LRP1B: variants seen among roughly 807,000 people sequenced by gnomAD.
The protein encoded by LRP1B is low-density lipoprotein receptor-related protein 1B.
Under a neutral mutation model 556.6 loss-of-function variants are expected in LRP1B, and 217 were observed. The observed-to-expected ratio is 0.39, with a 90% CI of 0.35 to 0.44. The LOEUF (loss-of-function observed/expected upper bound fraction) is 0.44. Among genes scored for constraint, LRP1B ranks in the 20% least tolerant of loss-of-function variants. The pLI, the probability that LRP1B is intolerant of heterozygous loss-of-function variation, is 1.00. For missense variants in LRP1B, 5,053 were observed against 5,620.8 expected (o/e 0.90, Z 3.23); for synonymous variants, 2,047 against 1,865.8 (o/e 1.10, Z -2.50).
chr2:140,363,181 TC>T (rs1356438330), intron 72 of LRP1B, among the ~76,000 whole-genome samples: 1 of 151,626 alleles, frequency 6.6e-6, no homozygotes, highest in East Asian at 1.9e-4. Flanking sequence ...CAGAATAAGA[TC>T]TCCTTGTCAA....
chr2:141,981,754 A>G (rs937253915), intron 1 of LRP1B, among the ~76,000 whole-genome samples: 1 of 152,062 alleles, frequency 6.6e-6, no homozygotes, highest in South Asian at 2.1e-4. Context: ...TTTCCTTTGC[A>G]TTTAAGTGTG....
intron 37 of LRP1B, among the ~76,000 whole-genome samples, chr2:140,712,512 C>G (rs941012949): frequency 6.6e-6 from 1 of 151,940 alleles, no homozygotes; most frequent in African/African-American, 2.4e-5. Context: ...TGGAATTTGT[C>G]TCCCCTTTAC....
chr2:141,558,044 G>T (rs1686024662), intron 2 of LRP1B, among the ~76,000 whole-genome samples: 1 of 151,918 alleles, frequency 6.6e-6, no homozygotes, highest in Non-Finnish European at 1.5e-5. Flanking sequence ...TTGCAGGTCT[G>T]CAATGATAAC....
chr2:141,403,821 T>C (rs2104929624), intron 3 of LRP1B, among the ~76,000 whole-genome samples: 1 of 152,262 alleles, frequency 6.6e-6, no homozygotes, highest in Non-Finnish European at 1.5e-5. Flanking sequence ...TTGTATTATC[T>C]CACATGTATG....
At chr2:142,041,327 T>C (rs1230565425) in intron 1 of LRP1B, among the ~76,000 whole-genome samples, 2 of 151,254 alleles carry the variant, frequency 1.3e-5, no homozygotes, top group South Asian at 2.1e-4. Context: ...GCTGACTAGT[T>C]AGTCATGTGG....
intron 3 of LRP1B, among the ~76,000 whole-genome samples, chr2:141,470,710 T>C (rs1260186682): frequency 6.6e-6 from 1 of 152,210 alleles, no homozygotes; most frequent in African/African-American, 2.4e-5. Flanking sequence ...ATCAAGCTGC[T>C]GTGTCAAAAA....
chr2:141,875,273 G>A (rs996475164), intron 1 of LRP1B, among the ~76,000 whole-genome samples: 2 of 151,792 alleles, frequency 1.3e-5, no homozygotes, highest in Non-Finnish European at 2.9e-5. Flanking sequence ...GCCTCCCAGT[G>A]TTGGGATAAT....
intron 2 of LRP1B, among the ~76,000 whole-genome samples, chr2:141,713,930 C>A (rs930643288): frequency 4.6e-5 from 7 of 152,112 alleles, no homozygotes; most frequent in African/African-American, 1.7e-4. Context: ...ATGTTGGCAC[C>A]CAGATCTGCC....
At chr2:141,490,641 A>G (rs1362206735) in intron 2 of LRP1B, among the ~76,000 whole-genome samples, 2 of 152,212 alleles carry the variant, frequency 1.3e-5, no homozygotes, top group African/African-American at 2.4e-5. Context: ...TTGCTTTCTG[A>G]CCTTTCATTA....
intron 35 of LRP1B, among the ~76,000 whole-genome samples, chr2:140,751,764 C>G (rs1455189972): frequency 6.6e-6 from 1 of 152,108 alleles, no homozygotes; most frequent in African/African-American, 2.4e-5. Context: ...AAGACATTCT[C>G]TAGTTGGAGA....
chr2:141,817,224 A>G (rs1696590072), intron 1 of LRP1B, among the ~76,000 whole-genome samples: 1 of 152,178 alleles, frequency 6.6e-6, no homozygotes, highest in Admixed American at 6.5e-5. Flanking sequence ...ATTATATGAA[A>G]CATAGTGTTT....
intron 1 of LRP1B, among the ~76,000 whole-genome samples, chr2:141,965,798 C>CAAAAA (rs201872645): frequency 1.0e-5 from 1 of 98,628 alleles, no homozygotes; most frequent in Non-Finnish European, 2.1e-5. Flanking sequence ...AATATGTATC[C>CAAAAA]AAAAAAAAAA....
At chr2:141,956,940 A>G (rs1017027559) in intron 1 of LRP1B, among the ~76,000 whole-genome samples, 20 of 152,088 alleles carry the variant, frequency 1.3e-4, no homozygotes, top group African/African-American at 4.6e-4. Flanking sequence ...AACTAATGAC[A>G]AAACAAAAGA....
chr2:141,571,184 A>T (rs1686514954), intron 2 of LRP1B, among the ~76,000 whole-genome samples: 1 of 151,098 alleles, frequency 6.6e-6, no homozygotes, highest in Admixed American at 6.6e-5. Flanking sequence ...TTGAGATCAG[A>T]GGTCCCAGAA....
At chr2:142,130,150 T>C (rs1574717240) in intron 1 of LRP1B, among the ~76,000 whole-genome samples, 1 of 152,104 alleles carries the variant, frequency 6.6e-6, no homozygotes, top group African/African-American at 2.4e-5. Flanking sequence ...GAAGGGGCTA[T>C]AGAAACGAAA....
At chr2:141,205,721 G>T (rs1273133143) in intron 6 of LRP1B, among the ~76,000 whole-genome samples, 1 of 152,056 alleles carries the variant, frequency 6.6e-6, no homozygotes, top group African/African-American at 2.4e-5. Flanking sequence ...GCATCTGATA[G>T]AGAAAAGCCT....
At chr2:141,305,849 T>C (rs1255150226) in intron 3 of LRP1B, among the ~76,000 whole-genome samples, 1 of 152,210 alleles carries the variant, frequency 6.6e-6, no homozygotes, top group East Asian at 1.9e-4. Flanking sequence ...GATAATCACA[T>C]AGTTTTTGCC....
rs1695323578 is a variant in LRP1B at position 141,783,296 on chromosome 2, C to G, written c.205+26983G>C. Among the ~76,000 whole-genome samples the G allele has an allele frequency of 1.3e-5, 2 of 151,912 alleles. 1 individual carries two copies. The highest frequency in any genetic ancestry group is 4.1e-4 in the South Asian group (2 of 4,822). ...TTGAAATATTACTCAAATAGAAGATCAGAGAGAGAGGAGTTCATTTATGGG... is the reference window on the plus strand; with the variant it reads ...TTGAAATATTACTCAAATAGAAGATGAGAGAGAGAGGAGTTCATTTATGGG... On this transcript the variant is annotated intron_variant, in intron 2 of 90. Coordinates refer to ENST00000389484, the MANE Select transcript of LRP1B (RefSeq NM_018557.3).
At chr2:140,735,019 C>A (rs772089133) in intron 35 of LRP1B, among the ~76,000 whole-genome samples, 3 of 152,102 alleles carry the variant, frequency 2.0e-5, no homozygotes, top group African/African-American at 4.8e-5. Flanking sequence ...GACTCTGTTT[C>A]CCAAAAGACC....
Sources: allele counts gnomAD v4.1 joint callset (sites outside exome capture counted in the v4.1 genomes callset), GRCh38; gene constraint gnomAD v4.1.1; transcripts MANE v1.5; gene names NCBI Gene and HGNC (gene_info 2026-07-23, HGNC 2026-07-21).